Variants in DENND1B observed in about 807,000 individuals in gnomAD.
The protein encoded by DENND1B is DENN domain-containing protein 1B.
Under a neutral mutation model 90.1 loss-of-function variants are expected in DENND1B, and 59 were observed. The observed-to-expected ratio is 0.65, with a 90% CI of 0.53 to 0.81. The LOEUF (loss-of-function observed/expected upper bound fraction) is 0.81, where lower values mean the gene tolerates loss of function less well. Among genes scored for constraint, DENND1B ranks in the 40% least tolerant of loss-of-function variants. The pLI is 0.00. For missense variants in DENND1B, 862 were observed against 912.6 expected, an observed-to-expected ratio of 0.94 and a Z score of 0.71; for synonymous variants, 337 against 324.6, an observed-to-expected ratio of 1.04 and a Z score of -0.41.
At chr1:197,678,103 T>C (rs1050985994) in intron 3 of DENND1B, among the ~76,000 whole-genome samples, 1 of 152,174 alleles carries the variant, frequency 6.6e-6, no homozygotes, top group African/African-American at 2.4e-5. Flanking sequence ...AACTAATCCC[T>C]GGCAAGGGAA....
chr1:197,735,197 C>T (rs1662528479), intron 2 of DENND1B: 1 of 1,026,302 alleles, frequency 9.7e-7, no homozygotes, highest in Non-Finnish European at 1.2e-6. Context: ...TCCAACATGC[C>T]TACCATTGAG....
intron 2 of DENND1B, among the ~76,000 whole-genome samples, chr1:197,738,476 C>A (rs1338611464): frequency 6.6e-6 from 1 of 152,180 alleles, no homozygotes; most frequent in African/African-American, 2.4e-5. Flanking sequence ...ATGACCTAAT[C>A]TGGCCAGTTT....
intron 14 of DENND1B, among the ~76,000 whole-genome samples, chr1:197,591,377 T>C (rs1304160027): frequency 2.0e-5 from 3 of 152,232 alleles, no homozygotes; most frequent in Non-Finnish European, 4.4e-5. Context: ...ATATCTATAA[T>C]GCATCCTAAT....
At chr1:197,563,031 T>C (rs149502102) in intron 15 of DENND1B, among the ~76,000 whole-genome samples, 1 of 151,958 alleles carries the variant, frequency 6.6e-6, no homozygotes, top group Non-Finnish European at 1.5e-5. Context: ...GAGAAAGCTG[T>C]AGGAGAAAAT....
chr1:197,545,478 T>C (rs1219675505), intron 18 of DENND1B: 4 of 167,764 alleles, frequency 2.4e-5, no homozygotes, highest in Non-Finnish European at 5.0e-5. Context: ...AGGCCATGGG[T>C]TGGACAAACT....
At chr1:197,596,491 G>A (rs1279628566) in intron 13 of DENND1B, among the ~76,000 whole-genome samples, 1 of 151,772 alleles carries the variant, frequency 6.6e-6, no homozygotes, top group Non-Finnish European at 1.5e-5. Flanking sequence ...AAAAAAACTG[G>A]TACGACAAAT....
At chr1:197,582,726 C>T (rs1674350886) in intron 15 of DENND1B, among the ~76,000 whole-genome samples, 1 of 152,062 alleles carries the variant, frequency 6.6e-6, no homozygotes, top group East Asian at 1.9e-4. Flanking sequence ...AAAAGTCTTA[C>T]AAAGCTTAAA....
intron 1 of DENND1B, among the ~76,000 whole-genome samples, chr1:197,774,292 T>C (rs1349113230): frequency 2.0e-5 from 3 of 152,142 alleles, no homozygotes; most frequent in African/African-American, 7.2e-5. Context: ...TTCTGTGAAA[T>C]TCAAACGGCC....
intron 12 of DENND1B, among the ~76,000 whole-genome samples, chr1:197,608,383 T>C (rs2125840592): frequency 6.6e-6 from 1 of 150,740 alleles, no homozygotes; most frequent in African/African-American, 2.4e-5. Flanking sequence ...TTCTAAGATA[T>C]TAGCAGCGAA....
At chr1:197,562,300 C>A (rs1026323083) in intron 15 of DENND1B, among the ~76,000 whole-genome samples, 2 of 151,900 alleles carry the variant, frequency 1.3e-5, no homozygotes, top group Non-Finnish European at 2.9e-5. Flanking sequence ...CACTTTACTG[C>A]ACTTCAAAGA....
chr1:197,516,781 T>C (rs1018031526), intron 20 of DENND1B, among the ~76,000 whole-genome samples: 9 of 151,782 alleles, frequency 5.9e-5, no homozygotes, highest in Non-Finnish European at 2.9e-5. Context: ...AGACATATCA[T>C]TATTAAAAAC....
chr1:197,628,780 G>A (rs1679039652), intron 10 of DENND1B, among the ~76,000 whole-genome samples: 1 of 151,868 alleles, frequency 6.6e-6, no homozygotes, highest in African/African-American at 2.4e-5. Context: ...CTACTCATCT[G>A]ACAAAGGGCT....
chr1:197,540,145 A>C lies in DENND1B; in HGVS notation c.1408-74T>G, dbSNP rs1670227445. 1.5e-5 allele frequency: 15 copies of C among 1,009,766 alleles called. No individual in the cohort carries two copies. The South Asian group carries it at 2.6e-4, about 18-fold the overall frequency. The allele number at this position is 1,009,766 out of a possible 1,614,324, so 62.6% of individuals were successfully genotyped here. ...TTACTAACGTATTAGATTAATAAAC[A>C]AAGTATCTGATATACATACAAGTAG... On this transcript the variant is annotated intron_variant, in intron 19 of 22. Transcript: ENST00000620048.
intron 2 of DENND1B, among the ~76,000 whole-genome samples, chr1:197,748,068 C>T (rs1168504723): frequency 6.6e-6 from 1 of 152,098 alleles, no homozygotes; most frequent in Non-Finnish European, 1.5e-5. Context: ...AGGTAAAATA[C>T]TCTAGACCCA....
intron 14 of DENND1B, among the ~76,000 whole-genome samples, chr1:197,585,847 G>A (rs1275074527): frequency 6.6e-6 from 1 of 152,196 alleles, no homozygotes; most frequent in African/African-American, 2.4e-5. Context: ...CATATGTTAT[G>A]AAAGAGATAT....
At chr1:197,589,819 A>G (rs753921786) in intron 14 of DENND1B, among the ~76,000 whole-genome samples, 2 of 152,202 alleles carry the variant, frequency 1.3e-5, no homozygotes, top group Non-Finnish European at 2.9e-5. Context: ...CAGCCCAGGA[A>G]AGCTTGAGTG....
intron 14 of DENND1B, among the ~76,000 whole-genome samples, chr1:197,585,347 A>T (rs538901581): frequency 6.6e-6 from 1 of 152,278 alleles, no homozygotes; most frequent in South Asian, 2.1e-4. Flanking sequence ...CATCACTGCT[A>T]TTACAAAGTA....
intron 20 of DENND1B, among the ~76,000 whole-genome samples, chr1:197,529,203 G>GATATATATATATATATAT (rs71131771): frequency 8.5e-6 from 1 of 117,370 alleles, no homozygotes; most frequent in African/African-American, 3.9e-5. Context: ...AGTTAAGAGT[G>GATATATATATATATATAT]ATATATATAT....
In DENND1B at chr1:197,629,483, C is replaced by T. The variant is rs187769252; in HGVS notation, c.673-11724G>A. Among the ~76,000 whole-genome samples, 1,237 of 137,248 alleles carry T rather than the reference C, an allele frequency of 9.0e-3. 9 individuals carry two copies. Among genetic ancestry groups the T allele is most frequent in the South Asian group, 0.015 (67 of 4,436 alleles). 90.0% of individuals were successfully genotyped at this position (137,248 alleles called of 152,430 possible). A position where few individuals can be genotyped will look rare whatever the true frequency, so the allele number is the denominator to read the frequency against. On this transcript the variant is annotated intron_variant, in intron 10 of 22. Transcript: ENST00000620048. ...ATAGGTGGGAATTGAACAATGAGAACACATGGACACAGGAAGGGGAACATC... is the reference window on the plus strand; with the variant it reads ...ATAGGTGGGAATTGAACAATGAGAATACATGGACACAGGAAGGGGAACATC...
Sources: gnomAD v4.1 joint callset for allele counts (sites outside exome capture counted in the v4.1 genomes callset) on GRCh38, gnomAD v4.1.1 for gene constraint, MANE v1.5 for transcripts, NCBI Gene and HGNC (gene_info 2026-07-23, HGNC 2026-07-21) for gene names.